TACC2: variants seen among roughly 807,000 people sequenced by gnomAD.
The protein encoded by TACC2 is transforming acidic coiled-coil containing protein 2.
Under a neutral mutation model 227.3 loss-of-function variants are expected in TACC2, and 137 were observed. That is an observed-to-expected ratio of 0.60 (90% CI 0.52 to 0.69). The LOEUF is 0.69. TACC2 is among the 30% of genes least tolerant of loss of function. The pLI is 0.00. For synonymous variants in TACC2, 1,523 were observed against 1,487.5 expected, an observed-to-expected ratio of 1.02 and a Z score of -0.55; for missense variants, 3,470 against 3,694.4, an observed-to-expected ratio of 0.94 and a Z score of 1.57.
At chr10:122,015,506 A>C (rs1364520493) in intron 1 of TACC2, among the ~76,000 whole-genome samples, 1 of 150,852 alleles carries the variant, frequency 6.6e-6, no homozygotes, top group Non-Finnish European at 1.5e-5. Flanking sequence ...CTCCATCTCA[A>C]ACAAACAAAT....
At chr10:122,169,337 T>A (rs2093352510) in intron 7 of TACC2, among the ~76,000 whole-genome samples, 2 of 152,232 alleles carry the variant, frequency 1.3e-5, no homozygotes, top group South Asian at 4.1e-4. Flanking sequence ...ATTATATCCC[T>A]TAATCCTGCA....
chr10:121,992,291 G>T (rs1026466958), intron 1 of TACC2, among the ~76,000 whole-genome samples: 2 of 152,218 alleles, frequency 1.3e-5, no homozygotes, highest in African/African-American at 4.8e-5. Context: ...GTACACAAGA[G>T]AGGTGATGCT....
chr10:122,210,355 G>T lies in TACC2; in HGVS notation c.5972-42G>T, dbSNP rs750632533. The T allele has an allele frequency of 1.3e-6, 2 of 1,509,434 alleles. No homozygotes were observed. The highest frequency in any genetic ancestry group is 2.3e-5 in the East Asian group (1 of 44,316). The allele number at this position is 1,509,434 out of a possible 1,614,324, so 93.5% of individuals were successfully genotyped here. A position where few individuals can be genotyped will look rare whatever the true frequency, so the allele number is the denominator to read the frequency against. On this transcript the variant is annotated intron_variant, in intron 8 of 22. Transcript: ENST00000369005. This position sits in a 1 kb window ranked among gnomAD's most constrained non-coding sequence, Gnocchi z 4.6. ...TACAAGAGGAGAGGTGCCCCAATGC[G>T]TCCTGTGTCTGTAATTGATGGCGTT... is the stretch of plus-strand genomic sequence containing the variant.
chr10:122,178,280 A>C (rs1379074475), intron 7 of TACC2, among the ~76,000 whole-genome samples: 1 of 139,112 alleles, frequency 7.2e-6, no homozygotes, highest in African/African-American at 2.8e-5. Flanking sequence ...CTTGTCGCCT[A>C]GGCTGGAGTG....
intron 3 of TACC2, among the ~76,000 whole-genome samples, chr10:122,062,969 AACTTGT>A (rs2076999668): frequency 6.6e-6 from 1 of 152,114 alleles, no homozygotes; most frequent in Non-Finnish European, 1.5e-5. Context: ...GAGGTTAAGG[AACTTGT>A]TCTAGGTCAC....
chr10:122,176,115 C>A (rs796910451), intron 7 of TACC2, among the ~76,000 whole-genome samples: 3,239 of 45,062 alleles, frequency 0.072, 41 homozygotes, highest in Middle Eastern at 0.09. Context: ...CTCTCTCTCT[C>A]TCTATATATA....
At chr10:122,035,567 A>G (rs1001548300) in intron 2 of TACC2, among the ~76,000 whole-genome samples, 2 of 152,188 alleles carry the variant, frequency 1.3e-5, no homozygotes, top group African/African-American at 4.8e-5. Context: ...AATGGTAACC[A>G]TGGTCGGAGG....
rs150746050 is a variant in TACC2 at position 122,025,556 on chromosome 10, C to T, written c.33+3542C>T. On this transcript the variant is annotated intron_variant, in intron 2 of 22. Transcript: ENST00000369005. ...GATTACAGGCTTGAGCCACTGCACC[C>T]GGCCTATTATTTTTATTTATTTTAT... Among the ~76,000 whole-genome samples the T allele has an allele frequency of 9.1e-3, 1,348 of 147,404 alleles. 8 individuals carry two copies. Among genetic ancestry groups the T allele is most frequent in the Non-Finnish European group, 0.013 (903 of 67,218 alleles).
At position 122,083,923 on chromosome 10, in the gene TACC2, C is replaced by T. The variant is rs746262560; in HGVS notation, c.1423C>T (p.Leu475Phe). 6.2e-7 allele frequency: 1 copy of T among 1,614,050 alleles called. No homozygotes were observed. The highest frequency in any genetic ancestry group is 8.5e-7 in the Non-Finnish European group (1 of 1,180,006). The part of the protein sequence containing the change: ...LVGLERQVSD[L>F]GSKGEHPEGD... ...GGGACTGGAGAGGCAGGTGTCAGAT[C>T]TTGGAAGCAAGGGAGAGCATCCAGA... The change falls in exon 4 of 23, where the codon CTT becomes TTT. Residue 475 changes from leucine (L) to phenylalanine (F), a missense_variant. Coordinates refer to ENST00000369005, the MANE Select transcript of TACC2 (RefSeq NM_206862.4).
chr10:122,196,902 C>T (rs2094585100), intron 8 of TACC2, among the ~76,000 whole-genome samples: 2 of 143,868 alleles, frequency 1.4e-5, no homozygotes, highest in African/African-American at 5.2e-5. Flanking sequence ...CACCACTGCA[C>T]TCCAGCCTGG....
chr10:122,088,740 T>C, intron 5 of TACC2, 149 bp downstream of exon 5: 1 of 1,539,692 alleles, frequency 6.5e-7, no homozygotes, highest in Non-Finnish European at 8.7e-7. Flanking sequence ...TATGTACAGG[T>C]ACAGCAGTAC....
intron 5 of TACC2, among the ~76,000 whole-genome samples, chr10:122,106,771 A>G (rs947296813): frequency 5.9e-5 from 9 of 152,248 alleles, no homozygotes; most frequent in Non-Finnish European, 1.2e-4. Context: ...AATACAAGAA[A>G]GCTTCAACAA....
chr10:122,187,577 G>A (rs939236198), intron 7 of TACC2, among the ~76,000 whole-genome samples: 6 of 151,708 alleles, frequency 4.0e-5, no homozygotes, highest in Middle Eastern at 6.3e-3. Flanking sequence ...TGCAATCTCT[G>A]CCTCCCAGGT....
chr10:122,061,074 C>A (rs1233188915), intron 3 of TACC2, among the ~76,000 whole-genome samples: 4 of 149,948 alleles, frequency 2.7e-5, no homozygotes, highest in African/African-American at 7.4e-5. Context: ...CTCTGGGAGG[C>A]CGAGGCGGGC....
At chr10:122,143,314 G>A (rs2090910150) in intron 6 of TACC2, among the ~76,000 whole-genome samples, 1 of 152,178 alleles carries the variant, frequency 6.6e-6, no homozygotes, top group African/African-American at 2.4e-5. Context: ...AGCTGCCTCT[G>A]TTAAAGAAAC....
At position 122,249,648 on chromosome 10, in the gene TACC2, G is replaced by C; in HGVS notation, c.8765G>C (p.Arg2922Thr). 6.2e-7 allele frequency: 1 copy of C among 1,613,554 alleles called. No individual in the cohort carries two copies. The highest frequency in any genetic ancestry group is 8.5e-7 in the Non-Finnish European group (1 of 1,179,772). Residue 2922 changes from arginine (R) to threonine (T), a missense_variant, in exon 22 of 23, where the codon AGG (arginine) becomes ACG (threonine). Around this residue, in one of 10 missense-constraint regions of TACC2, gnomAD observed 89 missense variants for 91.4 expected, o/e 0.97. Transcript: ENST00000369005. ...KEQLRVDALERTLEQKNKEIE... is the reference protein window; with the variant it reads ...KEQLRVDALETTLEQKNKEIE... ...CAGCTGCGAGTGGACGCCCTGGAAA[G>C]GACGCTGGAGCAGAAGGTAATAGGG...
chr10:122,112,373 T>A (rs1445733708), intron 5 of TACC2, among the ~76,000 whole-genome samples: 2 of 152,174 alleles, frequency 1.3e-5, no homozygotes, highest in African/African-American at 4.8e-5. Context: ...CCTAGAAATA[T>A]GGCAGCTGGA....
rs768305770 is a variant in TACC2, at chr10:122,211,014, G to A, written c.6589G>A (p.Val2197Met). ...LLEETPLEPA[V>M]GPKAACPLDS... ...GGAGGAGACGCCCCTTGAGCCCGCT[G>A]TGGGGCCCAAAGCTGCCTGCCCTCT... The change falls in exon 9 of 23, where the codon GTG becomes ATG. Residue 2197 changes from valine (V) to methionine (M), a missense_variant. Val to Met is a conservative substitution (Grantham distance 21). Transcript: ENST00000369005. 6.2e-7 allele frequency: 1 copy of A among 1,612,288 alleles called. No individual in the cohort carries two copies. Among genetic ancestry groups the A allele is most frequent in the South Asian group, 1.1e-5 (1 of 90,746 alleles).
intron 9 of TACC2, chr10:122,213,205 C>T: frequency 2.4e-6 from 2 of 817,888 alleles, no homozygotes; most frequent in Non-Finnish European, 4.0e-6. Context: ...CCCAGCAGCT[C>T]CTTCCAAAAA....
Sources: gnomAD v4.1 joint callset for allele counts (sites outside exome capture counted in the v4.1 genomes callset) on GRCh38, gnomAD v4.1.1 for gene constraint, gnomAD v4.1.1 regional missense constraint, Gnocchi (gnomAD v3.1) non-coding constraint, MANE v1.5 for transcripts, NCBI Gene and HGNC (gene_info 2026-07-23, HGNC 2026-07-21) for gene names.